Variants in VPS13A observed in about 807,000 individuals in gnomAD.
VPS13A encodes vacuolar protein sorting 13 homolog A.
In VPS13A, 264 loss-of-function variants were observed where a neutral mutation model predicts 390.9. The observed-to-expected ratio is 0.68, with a 90% CI of 0.61 to 0.75. The LOEUF is 0.75. Among genes scored for constraint, VPS13A ranks in the 30% least tolerant of loss-of-function variants. The pLI, the probability that VPS13A is intolerant of heterozygous loss-of-function variation, is 0.00. For synonymous variants in VPS13A, 1,231 were observed against 1,227.1 expected, an observed-to-expected ratio of 1.00 and a Z score of -0.07; for missense variants, 3,409 against 3,733.9, an observed-to-expected ratio of 0.91 and a Z score of 2.27.
intron 1 of VPS13A, among the ~76,000 whole-genome samples, chr9:77,185,858 G>C (rs1320408826): frequency 6.6e-6 from 1 of 152,186 alleles, no homozygotes; most frequent in Non-Finnish European, 1.5e-5. Flanking sequence ...CAGGTATAGT[G>C]GCTCACGCCT....
intron 3 of VPS13A, among the ~76,000 whole-genome samples, chr9:77,204,629 A>G (rs952287711): frequency 2.0e-5 from 3 of 152,052 alleles, no homozygotes; most frequent in African/African-American, 7.2e-5. Context: ...TATACAATCT[A>G]CCTTTCATTG....
intron 26 of VPS13A, among the ~76,000 whole-genome samples, chr9:77,278,237 ATTTTT>A (rs57545793): frequency 3.5e-5 from 4 of 115,400 alleles, no homozygotes; most frequent in African/African-American, 1.0e-4. Context: ...CGCCCAGCTA[ATTTTT>A]TTTTTTTTTT....
intron 31 of VPS13A, among the ~76,000 whole-genome samples, chr9:77,289,643 A>G (rs950724322): frequency 1.3e-5 from 2 of 152,050 alleles, no homozygotes; most frequent in African/African-American, 2.4e-5. Flanking sequence ...GTACCTATTG[A>G]ATTTGGTTTA....
In VPS13A at chr9:77,368,115, C is replaced by G; in HGVS notation, c.8532C>G (p.Val2844=). Residue 2844 remains valine, a synonymous_variant, in exon 62 of 72, where the codon GTC becomes GTG. Transcript: ENST00000360280. Reference sequence around the variant, plus strand: ...CAACATCCGATCTACAGTCTGAAGTCATAAGACACTATTCAAAACAGGTTT... The same window carrying G: ...CAACATCCGATCTACAGTCTGAAGTGATAAGACACTATTCAAAACAGGTTT... ...FHTTSDLQSE[V]IRHYSKQAIK... 1 of 1,612,090 alleles carries G rather than the reference C, an allele frequency of 6.2e-7. No homozygotes were observed. Among genetic ancestry groups the G allele is most frequent in the South Asian group, 1.1e-5 (1 of 90,832 alleles).
chr9:77,300,195 C>A (rs138344069), intron 33 of VPS13A, among the ~76,000 whole-genome samples: 4 of 152,000 alleles, frequency 2.6e-5, no homozygotes, highest in Admixed American at 1.3e-4. Context: ...TCCAAATATT[C>A]CTGTTTTTAG....
chr9:77,229,185 C>T (rs930119715), intron 17 of VPS13A, among the ~76,000 whole-genome samples: 5 of 151,962 alleles, frequency 3.3e-5, no homozygotes, highest in South Asian at 2.1e-4. Flanking sequence ...CTCAGGCTAA[C>T]CTCCAGCTTC....
chr9:77,337,144 G>A (rs1167724947), intron 46 of VPS13A, 111 bp from the exon 47 acceptor site: 2 of 1,092,976 alleles, frequency 1.8e-6, no homozygotes, highest in Non-Finnish European at 2.6e-6. Flanking sequence ...ATATAAAAAT[G>A]TACTACAATA....
intron 31 of VPS13A, among the ~76,000 whole-genome samples, chr9:77,290,643 T>C (rs1348107856): frequency 2.6e-5 from 4 of 152,158 alleles, no homozygotes; most frequent in Non-Finnish European, 4.4e-5. Flanking sequence ...GTTTTCTTAG[T>C]GCCTTTTAAT....
intron 26 of VPS13A, 130 bp from the exon 27 acceptor site, chr9:77,280,029 A>G: frequency 1.6e-6 from 1 of 629,138 alleles, no homozygotes; most frequent in Non-Finnish European, 2.7e-6. Flanking sequence ...GACTTGGGTG[A>G]GGTAGAATCC....
intron 34 of VPS13A, 99 bp downstream of exon 34, chr9:77,303,161 A>G: frequency 8.1e-7 from 1 of 1,240,738 alleles, no homozygotes; most frequent in South Asian, 1.2e-5. Context: ...TATATACATA[A>G]TCACCTTGGT....
chr9:77,261,556 T>A (rs1221946250), intron 23 of VPS13A, among the ~76,000 whole-genome samples: 3 of 151,776 alleles, frequency 2.0e-5, no homozygotes, highest in Non-Finnish European at 4.4e-5. Flanking sequence ...GATGTGAATT[T>A]TAAATTTTGA....
chr9:77,269,783 A>G (rs1587462147), intron 23 of VPS13A, among the ~76,000 whole-genome samples: 2 of 152,228 alleles, frequency 1.3e-5, no homozygotes, highest in East Asian at 1.9e-4. Flanking sequence ...TTCAAAATTT[A>G]TATATTGAAC....
chr9:77,297,730 A>G (rs185043373), intron 33 of VPS13A, among the ~76,000 whole-genome samples: 68 of 152,108 alleles, frequency 4.5e-4, no homozygotes, highest in Admixed American at 2.8e-3. Context: ...ATAGTGAGCA[A>G]TCTTTATAAG....
chr9:77,178,421 A>G (rs1029484080), intron 1 of VPS13A, among the ~76,000 whole-genome samples: 1 of 152,216 alleles, frequency 6.6e-6, no homozygotes, highest in Admixed American at 6.5e-5. Flanking sequence ...CGGATAACAA[A>G]AAGGAAACTC....
intron 1 of VPS13A, among the ~76,000 whole-genome samples, chr9:77,188,559 G>A (rs1824484515): frequency 6.6e-6 from 1 of 152,158 alleles, no homozygotes; most frequent in African/African-American, 2.4e-5. Flanking sequence ...CTATTGTGAA[G>A]TGGTGCTGTG....
At chr9:77,342,965 G>A (rs865881585) in intron 50 of VPS13A, among the ~76,000 whole-genome samples, 3 of 152,122 alleles carry the variant, frequency 2.0e-5, no homozygotes, top group African/African-American at 7.2e-5. Context: ...AGGACAAAGC[G>A]GAGGAGCTAG....
intron 23 of VPS13A, among the ~76,000 whole-genome samples, chr9:77,263,461 A>C (rs566326951): frequency 1.3e-4 from 20 of 151,940 alleles, no homozygotes; most frequent in Non-Finnish European, 1.9e-4. Flanking sequence ...ATGGTATCTC[A>C]TTGTTGTTTT....
At chr9:77,400,086 T>C (rs1165396836) in intron 68 of VPS13A, among the ~76,000 whole-genome samples, 1 of 152,190 alleles carries the variant, frequency 6.6e-6, no homozygotes, top group African/African-American at 2.4e-5. Context: ...GTGAAGATTC[T>C]TATATGTATA....
intron 68 of VPS13A, among the ~76,000 whole-genome samples, chr9:77,385,993 T>C (rs946924684): frequency 2.0e-5 from 3 of 152,202 alleles, no homozygotes; most frequent in South Asian, 2.1e-4. Context: ...ATCAAGGTTA[T>C]GTATGTAAAA....
Sources: allele counts gnomAD v4.1 joint callset (sites outside exome capture counted in the v4.1 genomes callset), GRCh38; gene constraint gnomAD v4.1.1; transcripts MANE v1.5; gene names NCBI Gene and HGNC (gene_info 2026-07-23, HGNC 2026-07-21).